CDH23: variants seen among roughly 807,000 people sequenced by gnomAD.
CDH23 encodes the protein cadherin related 23, also known as cadherin-23.
In CDH23, 189 loss-of-function variants were observed where a neutral mutation model predicts 317.1. That is an observed-to-expected ratio of 0.60 (90% CI 0.53 to 0.67). The LOEUF is 0.67. Among genes scored for constraint, CDH23 ranks in the 30% least tolerant of loss-of-function variants. CDH23 has a pLI of 0.00. For missense variants in CDH23, 4,401 were observed against 4,592.4 expected (o/e 0.96, Z 1.20); for synonymous variants, 1,839 against 1,876.8 (o/e 0.98, Z 0.52).
chr10:71,496,840 G>GCC, intron 3 of CDH23, among the ~76,000 whole-genome samples: 7 of 54,518 alleles, frequency 1.3e-4, no homozygotes, highest in African/African-American at 3.8e-4. Flanking sequence ...CAGATGGACA[G>GCC]TTGGGATGTC....
intron 9 of CDH23, among the ~76,000 whole-genome samples, chr10:71,604,592 C>T (rs1860420624): frequency 6.6e-6 from 1 of 152,240 alleles, no homozygotes; most frequent in Non-Finnish European, 1.5e-5. Flanking sequence ...CTGACAGCTT[C>T]CTGTGAACTC....
chr10:71,421,768 A>C (rs1190903171), intron 1 of CDH23, among the ~76,000 whole-genome samples: 2 of 152,144 alleles, frequency 1.3e-5, no homozygotes, highest in East Asian at 3.9e-4. Context: ...GGGGAAGGGC[A>C]GGAGGGAGAA....
intron 11 of CDH23, among the ~76,000 whole-genome samples, chr10:71,641,357 C>T (rs964448471): frequency 6.6e-6 from 1 of 152,198 alleles, no homozygotes; most frequent in Non-Finnish European, 1.5e-5. Flanking sequence ...GTGATTCGCA[C>T]GTGGCTGCAA....
chr10:71,576,312 G>A (rs1858195170), intron 8 of CDH23, among the ~76,000 whole-genome samples: 1 of 152,192 alleles, frequency 6.6e-6, no homozygotes, highest in African/African-American at 2.4e-5. Flanking sequence ...CTCAGGCCCA[G>A]TTATCCTAGC....
chr10:71,530,708 A>G (rs1438671979), intron 6 of CDH23, among the ~76,000 whole-genome samples: 3 of 152,192 alleles, frequency 2.0e-5, no homozygotes, highest in African/African-American at 7.2e-5. Context: ...AAGAGGGAGG[A>G]GTCAGAACAC....
intron 1 of CDH23, among the ~76,000 whole-genome samples, chr10:71,410,425 C>T (rs1263680350): frequency 2.0e-5 from 3 of 152,170 alleles, no homozygotes; most frequent in African/African-American, 7.2e-5. Context: ...TCTATGCCCA[C>T]CAGCACTGTG....
At chr10:71,800,305 C>T (rs1001965883) in intron 52 of CDH23, among the ~76,000 whole-genome samples, 4 of 152,176 alleles carry the variant, frequency 2.6e-5, no homozygotes, top group Non-Finnish European at 5.9e-5. Flanking sequence ...GCCCTTTCAG[C>T]GGGGTTCACT....
intron 38 of CDH23, among the ~76,000 whole-genome samples, chr10:71,771,466 A>G (rs1840683605): frequency 2.0e-5 from 3 of 152,208 alleles, no homozygotes; most frequent in Admixed American, 1.3e-4. Context: ...CTGGTGATCA[A>G]TCTTCTCAAC....
In CDH23 at chr10:71,725,534, C is replaced by G; in HGVS notation, c.3579+14C>G. 1.2e-6 allele frequency: 2 copies of G among 1,609,378 alleles called. No homozygotes were observed. The highest frequency in any genetic ancestry group is 1.7e-6 in the Non-Finnish European group (2 of 1,177,564). On this transcript the variant is annotated intron_variant, in intron 30 of 69. Coordinates refer to ENST00000224721, the MANE Select transcript of CDH23 (RefSeq NM_022124.6). ...AGCTCCGTCAGGGTGAGGCTAGGGGCGGGCTGGGGTGCTGACCTCAGGACG... is the reference window on the plus strand; with the variant it reads ...AGCTCCGTCAGGGTGAGGCTAGGGGGGGGCTGGGGTGCTGACCTCAGGACG...
chr10:71,426,173 G>A (rs1849069907), intron 1 of CDH23, among the ~76,000 whole-genome samples: 1 of 152,130 alleles, frequency 6.6e-6, no homozygotes, highest in Non-Finnish European at 1.5e-5. Context: ...TAGTTCTATC[G>A]ACCACCTGCA....
chr10:71,482,334 A>G lies in CDH23; in HGVS notation c.146-27748A>G, dbSNP rs548901875. Reference sequence around the variant, plus strand: ...AACTTCCAAAGTAGAGTTCCCTGTCATAAAGGACCTCAGGTCCCAGAATCC... The same window carrying G: ...AACTTCCAAAGTAGAGTTCCCTGTCGTAAAGGACCTCAGGTCCCAGAATCC... On this transcript the variant is annotated intron_variant, in intron 3 of 69. Transcript: ENST00000224721. 1.2e-3 allele frequency among the ~76,000 whole-genome samples: 177 copies of G among 152,182 alleles called. 1 individual carries two copies. Among genetic ancestry groups the G allele is most frequent in the African/African-American group, 4.1e-3 (170 of 41,522 alleles).
intron 3 of CDH23, among the ~76,000 whole-genome samples, chr10:71,502,760 C>T (rs1853409677): frequency 6.6e-6 from 1 of 152,190 alleles, no homozygotes; most frequent in Non-Finnish European, 1.5e-5. Flanking sequence ...CAGAGTGTGG[C>T]ACAATGGAAG....
intron 1 of CDH23, among the ~76,000 whole-genome samples, chr10:71,431,250 T>C (rs1849357643): frequency 1.3e-5 from 2 of 152,310 alleles, no homozygotes; most frequent in Admixed American, 1.3e-4. Flanking sequence ...CCAGGCTTCA[T>C]ATGGGGGAGG....
rs1364611370 is a variant in CDH23, at chr10:71,806,202, T to C, written c.8099T>C (p.Val2700Ala). Reference protein sequence around the residue: ...ILVASDLGQPVPYETMQPLQV... With the variant: ...ILVASDLGQPAPYETMQPLQV... Reference sequence around the variant, plus strand: ...GTGGCCAGCGACCTGGGCCAGCCAGTGCCATACGAGACTATGCAGCCGCTG... The same window carrying C: ...GTGGCCAGCGACCTGGGCCAGCCAGCGCCATACGAGACTATGCAGCCGCTG... The change falls in exon 57 of 70, where the codon GTG becomes GCG. Residue 2700 changes from valine (V) to alanine (A), a missense_variant. By Grantham distance (64) the Val-to-Ala change is moderately conservative. Transcript: ENST00000224721. 5 of 1,577,088 alleles carry C rather than the reference T, an allele frequency of 3.2e-6. No homozygotes were observed. The highest frequency in any genetic ancestry group is 2.7e-5 in the African/African-American group (2 of 74,102).
At chr10:71,696,823 G>A (rs2132719926) in intron 22 of CDH23, among the ~76,000 whole-genome samples, 1 of 152,266 alleles carries the variant, frequency 6.6e-6, no homozygotes. Context: ...TCCAGCCCAG[G>A]GCCAGGTTTA....
chr10:71,762,512 C>G lies in CDH23; in HGVS notation c.4846-15168C>G, dbSNP rs538468275. Among the ~76,000 whole-genome samples, 237 of 152,378 alleles carry G rather than the reference C, an allele frequency of 1.6e-3. 1 individual carries two copies. The highest frequency in any genetic ancestry group is 5.4e-3 in the African/African-American group (225 of 41,594). ...GCACCTGCGTGTGCAAGGCCTGGGC[C>G]AGGTGCTGCATCTCACCTGCATGCT... On this transcript the variant is annotated intron_variant, in intron 38 of 69. Transcript: ENST00000224721.
At chr10:71,503,519 G>T (rs184777991) in intron 3 of CDH23, among the ~76,000 whole-genome samples, 1 of 152,290 alleles carries the variant, frequency 6.6e-6, no homozygotes, top group Non-Finnish European at 1.5e-5. Flanking sequence ...TTTACCCAAT[G>T]ACTATTTATT....
At chr10:71,399,724 T>C (rs763717008) in intron 1 of CDH23, among the ~76,000 whole-genome samples, 6 of 152,068 alleles carry the variant, frequency 3.9e-5, no homozygotes, top group Non-Finnish European at 8.8e-5. Flanking sequence ...AGGACCGTGC[T>C]TGTGAATAGC....
chr10:71,756,151 A>G (rs1840140867), intron 38 of CDH23, among the ~76,000 whole-genome samples: 1 of 152,124 alleles, frequency 6.6e-6, no homozygotes, highest in Admixed American at 6.5e-5. Flanking sequence ...TTATTAAACT[A>G]CCAAAAAAAG....
Sources: allele counts gnomAD v4.1 joint callset (sites outside exome capture counted in the v4.1 genomes callset), GRCh38; gene constraint gnomAD v4.1.1; transcripts MANE v1.5; gene names NCBI Gene and HGNC (gene_info 2026-07-23, HGNC 2026-07-21).